SYT14: variants seen among roughly 807,000 people sequenced by gnomAD.
SYT14 encodes synaptotagmin 14, also known as synaptotagmin-14.
SYT14 carries 32 observed loss-of-function variants against 74.2 expected under a neutral mutation model. The ratio of observed to expected loss-of-function variants is 0.43; its 90% confidence interval spans 0.33 to 0.58. SYT14 has a LOEUF of 0.58. SYT14 is among the 20% of genes least tolerant of loss of function. The pLI, the probability that SYT14 is intolerant of heterozygous loss-of-function variation, is 0.05. For missense variants in SYT14, 791 were observed against 981.8 expected (o/e 0.81, Z 2.60); for synonymous variants, 298 against 337.7 (o/e 0.88, Z 1.29).
At chr1:209,951,533 C>T (rs2078911854) in intron 1 of SYT14, among the ~76,000 whole-genome samples, 1 of 152,168 alleles carries the variant, frequency 6.6e-6, no homozygotes, top group South Asian at 2.1e-4. Flanking sequence ...TCCATTTCCA[C>T]CATGTGCCAT....
intron 2 of SYT14, among the ~76,000 whole-genome samples, chr1:209,991,629 C>T (rs928239498): frequency 1.3e-5 from 2 of 152,062 alleles, no homozygotes; most frequent in African/African-American, 2.4e-5. Context: ...AGTCAAATAA[C>T]ATCTAACCTG....
At chr1:210,083,704 G>T (rs1440038980) in intron 5 of SYT14, among the ~76,000 whole-genome samples, 1 of 151,802 alleles carries the variant, frequency 6.6e-6, no homozygotes, top group Non-Finnish European at 1.5e-5. Context: ...TGAGTAGCTG[G>T]GACCATAGAC....
chr1:210,074,809 C>T (rs1375948184), intron 5 of SYT14, among the ~76,000 whole-genome samples: 2 of 152,294 alleles, frequency 1.3e-5, no homozygotes, highest in East Asian at 3.9e-4. Flanking sequence ...GACCCCATGG[C>T]AGTGTCTAGA....
chr1:210,113,843 G>T (rs934620307), intron 7 of SYT14, among the ~76,000 whole-genome samples: 1 of 151,314 alleles, frequency 6.6e-6, no homozygotes, highest in Non-Finnish European at 1.5e-5. Context: ...AAAGAATGTT[G>T]TCCAAGTTGG....
intron 5 of SYT14, among the ~76,000 whole-genome samples, chr1:210,027,593 A>G (rs961940131): frequency 5.9e-5 from 9 of 151,834 alleles, no homozygotes; most frequent in African/African-American, 1.7e-4. Flanking sequence ...TCATAACTAC[A>G]CTCGCACAGT....
At chr1:210,166,061 G>T (rs1056528067) in exon 10 of SYT14, 1 of 152,204 alleles carries the variant, frequency 6.6e-6, no homozygotes, top group Non-Finnish European at 1.5e-5. Context: ...GAAGCATTAA[G>T]ATAGGGGCAT....
intron 6 of SYT14, among the ~76,000 whole-genome samples, chr1:210,095,763 C>T (rs12089449): frequency 0.032 from 4,921 of 152,154 alleles, 568 homozygotes; most frequent in Admixed American, 0.23. Context: ...GTTAAAACTA[C>T]TCTGTATCTG....
At chr1:210,155,216 T>G (rs2083244264) in intron 7 of SYT14, among the ~76,000 whole-genome samples, 1 of 152,266 alleles carries the variant, frequency 6.6e-6, no homozygotes, top group African/African-American at 2.4e-5. Context: ...CTAATGTAAC[T>G]ACATCAATTT....
chr1:209,989,604 T>C (rs550562314), intron 2 of SYT14, among the ~76,000 whole-genome samples: 166 of 152,326 alleles, frequency 1.1e-3, no homozygotes, highest in African/African-American at 3.8e-3. Context: ...TAGTTGCTTA[T>C]ATCATCTTTC....
chr1:209,963,335 A>C (rs1473462687), intron 2 of SYT14, among the ~76,000 whole-genome samples: 1 of 152,186 alleles, frequency 6.6e-6, no homozygotes, highest in Non-Finnish European at 1.5e-5. Flanking sequence ...CAGGTATTAT[A>C]CAAAATGTCC....
chr1:210,069,352 T>C (rs994054123), intron 5 of SYT14, among the ~76,000 whole-genome samples: 4 of 152,008 alleles, frequency 2.6e-5, no homozygotes, highest in African/African-American at 9.7e-5. Flanking sequence ...GCTTTGCCTT[T>C]TAATCAGTAG....
At chr1:210,033,653 T>G (rs1028373644) in intron 5 of SYT14, among the ~76,000 whole-genome samples, 1 of 151,816 alleles carries the variant, frequency 6.6e-6, no homozygotes, top group Admixed American at 6.6e-5. Flanking sequence ...AGTAAGATCA[T>G]TTAAATGGAT....
chr1:210,109,873 C>G (rs1200765229), intron 7 of SYT14, among the ~76,000 whole-genome samples: 2 of 152,134 alleles, frequency 1.3e-5, no homozygotes, highest in African/African-American at 4.8e-5. Flanking sequence ...AACCCAAATG[C>G]CCATCAGTGA....
chr1:210,067,756 A>G (rs2081323184), intron 5 of SYT14, among the ~76,000 whole-genome samples: 1 of 151,844 alleles, frequency 6.6e-6, no homozygotes, highest in Non-Finnish European at 1.5e-5. Context: ...GGTATTTCAC[A>G]TTTTTGTGGA....
At chr1:209,973,630 T>G (rs1015246192) in intron 2 of SYT14, among the ~76,000 whole-genome samples, 2 of 152,242 alleles carry the variant, frequency 1.3e-5, no homozygotes, top group Non-Finnish European at 2.9e-5. Flanking sequence ...GTTGGGTTGG[T>G]TCCAAGTCTT....
At chr1:210,021,051 T>C in exon 5 of SYT14, 1 of 1,613,892 alleles carries the variant, frequency 6.2e-7, no homozygotes, top group East Asian at 2.2e-5. Context: ...AATTCCTACA[T>C]GGACAAAGAT....
rs754756252 is a variant in SYT14, at chr1:209,939,932, TG to T, written c.-534+1656del. ...TTACTGATTCATTTTCCATGTCACC[TG>T]ATGGCATTTTACTCTGCCTACTGCT... On this transcript the variant is annotated intron_variant, in intron 1 of 9. Coordinates refer to ENST00000637265, the Ensembl canonical transcript of SYT14. 1.3e-4 allele frequency among the ~76,000 whole-genome samples: 20 copies of T among 152,370 alleles called. No individual in the cohort carries two copies. The East Asian group carries it at 3.9e-3, about 29-fold the overall frequency.
chr1:209,990,546 T>TTTCAC (rs1313861188), intron 2 of SYT14, among the ~76,000 whole-genome samples: 1 of 8,396 alleles, frequency 1.2e-4, no homozygotes, highest in Non-Finnish European at 3.7e-4. Context: ...TACGTATATA[T>TTTCAC]ATGTATATAT....
At chr1:210,153,224 A>C (rs2083202722) in intron 7 of SYT14, among the ~76,000 whole-genome samples, 1 of 152,184 alleles carries the variant, frequency 6.6e-6, no homozygotes. Flanking sequence ...GATAGTTCCC[A>C]GTGCTTTGTC....
Sources: allele counts gnomAD v4.1 joint callset (sites outside exome capture counted in the v4.1 genomes callset), GRCh38; gene constraint gnomAD v4.1.1; transcripts MANE v1.5; gene names NCBI Gene and HGNC (gene_info 2026-07-23, HGNC 2026-07-21).